The following PLXDC2 variants were observed in gnomAD, a reference collection of about 807,000 sequenced individuals.
The protein encoded by PLXDC2 is plexin domain containing 2.
Under a neutral mutation model 68.9 loss-of-function variants are expected in PLXDC2, and 40 were observed. The observed-to-expected ratio is 0.58, with a 90% CI of 0.45 to 0.76. PLXDC2 has a LOEUF of 0.76. Ranked by LOEUF, PLXDC2 falls within the 30% of genes least tolerant of loss-of-function variation. PLXDC2 has a pLI of 0.00. For synonymous variants in PLXDC2, 243 were observed against 234.2 expected, an observed-to-expected ratio of 1.04 and a Z score of -0.34; for missense variants, 644 against 661.9, an observed-to-expected ratio of 0.97 and a Z score of 0.30.
chr10:20,040,806 A>T (rs1356165040), intron 2 of PLXDC2, among the ~76,000 whole-genome samples: 2 of 152,176 alleles, frequency 1.3e-5, no homozygotes, highest in African/African-American at 2.4e-5. Context: ...TGAGGAAAAT[A>T]ATGGGCTTTC....
chr10:20,106,451 A>G (rs1337923700), intron 4 of PLXDC2, among the ~76,000 whole-genome samples: 2 of 152,124 alleles, frequency 1.3e-5, no homozygotes, highest in African/African-American at 2.4e-5. Context: ...TGACTGACAC[A>G]TTGGCCAGTG....
At chr10:20,165,465 T>C (rs1046264390) in intron 7 of PLXDC2, among the ~76,000 whole-genome samples, 8 of 152,088 alleles carry the variant, frequency 5.3e-5, no homozygotes, top group Non-Finnish European at 1.0e-4. Flanking sequence ...AGTATGATGT[T>C]CCCCTTCCTG....
At chr10:20,250,332 G>A (rs1213321615) in intron 13 of PLXDC2, among the ~76,000 whole-genome samples, 1 of 150,352 alleles carries the variant, frequency 6.7e-6, no homozygotes, top group African/African-American at 2.5e-5. Flanking sequence ...CAGAGCTCAT[G>A]CACCCAGTCT....
At chr10:19,994,740 ATTGATTTTT>A (rs1834813174) in intron 1 of PLXDC2, among the ~76,000 whole-genome samples, 1 of 150,452 alleles carries the variant, frequency 6.6e-6, no homozygotes. Context: ...TCATTCATTT[ATTGATTTTT>A]TTTTTGTGTG....
chr10:20,097,933 GTAT>G (rs554426811), intron 4 of PLXDC2, among the ~76,000 whole-genome samples: 11 of 147,996 alleles, frequency 7.4e-5, no homozygotes, highest in Admixed American at 1.4e-4. Flanking sequence ...ATTATTTATA[GTAT>G]TATATATTTA....
chr10:20,218,591 A>G (rs1252230023), intron 11 of PLXDC2, among the ~76,000 whole-genome samples: 1 of 152,150 alleles, frequency 6.6e-6, no homozygotes, highest in Admixed American at 6.5e-5. Context: ...CTCTTTATAT[A>G]GAATTTTGGT....
Position 19,821,573 on chromosome 10 carries a change from A to G in PLXDC2, c.112+4382A>G, listed in dbSNP as rs975918046. On this transcript the variant is annotated intron_variant, in intron 1 of 13. Transcript: ENST00000377252. ...ATTTATTTCTGAATCTGCTGTGGCA[A>G]CAACCAATAAATAGTTGCAATAAAT... Among the ~76,000 whole-genome samples the G allele has an allele frequency of 2.0e-5, 3 of 152,230 alleles. No individual in the cohort carries two copies. In the East Asian group the frequency reaches 5.8e-4, roughly 29 times the overall value.
chr10:20,230,132 T>G (rs1309977181), intron 12 of PLXDC2, among the ~76,000 whole-genome samples: 2 of 152,164 alleles, frequency 1.3e-5, no homozygotes, highest in East Asian at 1.9e-4. Flanking sequence ...AATAAACACT[T>G]TCATTAAAAG....
intron 1 of PLXDC2, among the ~76,000 whole-genome samples, chr10:19,862,198 A>G (rs1336031632): frequency 6.6e-6 from 1 of 152,200 alleles, no homozygotes; most frequent in Admixed American, 6.6e-5. Context: ...ATTTAAACTA[A>G]AGTGTTGCAA....
intron 12 of PLXDC2, among the ~76,000 whole-genome samples, chr10:20,222,464 C>T (rs1036425190): frequency 1.3e-5 from 2 of 152,134 alleles, no homozygotes; most frequent in Non-Finnish European, 2.9e-5. Flanking sequence ...TTTCCTGATA[C>T]ATTTATATTA....
intron 1 of PLXDC2, among the ~76,000 whole-genome samples, chr10:19,833,351 C>A (rs1836729670): frequency 6.6e-6 from 1 of 152,170 alleles, no homozygotes; most frequent in African/African-American, 2.4e-5. Flanking sequence ...ACTAGAAGTG[C>A]CGACTGCACC....
chr10:19,891,549 G>T (rs533524716), intron 1 of PLXDC2, among the ~76,000 whole-genome samples: 1 of 152,036 alleles, frequency 6.6e-6, no homozygotes, highest in Admixed American at 6.6e-5. Context: ...AGCACCTACT[G>T]CAGGCGTTGG....
At chr10:20,228,756 C>T (rs1399069139) in intron 12 of PLXDC2, among the ~76,000 whole-genome samples, 2 of 151,856 alleles carry the variant, frequency 1.3e-5, no homozygotes, top group Non-Finnish European at 2.9e-5. Flanking sequence ...TCAAGAGTGT[C>T]ATAGAGACAG....
At chr10:19,998,263 G>A (rs1279593961) in intron 1 of PLXDC2, among the ~76,000 whole-genome samples, 1 of 152,170 alleles carries the variant, frequency 6.6e-6, no homozygotes, top group Non-Finnish European at 1.5e-5. Flanking sequence ...GAAAGTCTGT[G>A]AAATGCCTAG....
At chr10:19,896,377 T>C (rs889685217) in intron 1 of PLXDC2, among the ~76,000 whole-genome samples, 5 of 152,330 alleles carry the variant, frequency 3.3e-5, no homozygotes, top group South Asian at 2.1e-4. Flanking sequence ...AGGTTGCATT[T>C]TGGCTGGATG....
At chr10:20,277,372 G>A (rs914899657) in intron 13 of PLXDC2, among the ~76,000 whole-genome samples, 2 of 152,090 alleles carry the variant, frequency 1.3e-5, no homozygotes, top group Non-Finnish European at 1.5e-5. Flanking sequence ...GGAGGCAGAA[G>A]GGACAAGGAT....
intron 2 of PLXDC2, among the ~76,000 whole-genome samples, chr10:20,017,233 C>T (rs1255215456): frequency 6.6e-6 from 1 of 152,132 alleles, no homozygotes; most frequent in Non-Finnish European, 1.5e-5. Flanking sequence ...CAGTAGGGAG[C>T]AGGCATCACA....
chr10:20,285,103 A>G lies in PLXDC2; in HGVS notation c.*5284A>G, dbSNP rs1045224612. The G allele has an allele frequency of 1.3e-5, 2 of 152,188 alleles. No homozygotes were observed. The highest frequency in any genetic ancestry group is 4.8e-5 in the African/African-American group (2 of 41,446). The allele number at this position is 152,188 out of a possible 1,614,324, so 9.4% of individuals were successfully genotyped here. ...AATGATCTATATAGCTGATTTTCTG[A>G]CCACATATATAATTGCAATTTTTAT... On this transcript the variant is annotated 3_prime_UTR_variant, in exon 14 of 14. Transcript: ENST00000377252.
intron 2 of PLXDC2, among the ~76,000 whole-genome samples, chr10:20,019,876 G>T (rs1835275634): frequency 1.3e-5 from 2 of 152,014 alleles, no homozygotes; most frequent in South Asian, 2.1e-4. Context: ...GTGGAAAAAT[G>T]TTCTATTACA....
Sources: allele counts gnomAD v4.1 joint callset (sites outside exome capture counted in the v4.1 genomes callset), GRCh38; gene constraint gnomAD v4.1.1; transcripts MANE v1.5; gene names NCBI Gene and HGNC (gene_info 2026-07-23, HGNC 2026-07-21).